The following NR5A1 variants were observed in gnomAD, a reference collection of about 807,000 sequenced individuals.
The protein encoded by NR5A1 is nuclear receptor subfamily 5 group A member 1.
NR5A1 carries 6 observed loss-of-function variants against 42.7 expected under a neutral mutation model. The ratio of observed to expected loss-of-function variants is 0.14; its 90% CI spans 0.08 to 0.28. NR5A1 has a LOEUF of 0.28. Among genes scored for constraint, NR5A1 ranks in the 10% least tolerant of loss-of-function variants. The pLI, the probability that NR5A1 is intolerant of heterozygous loss-of-function variation, is 1.00. For synonymous variants in NR5A1, 274 were observed against 277.5 expected, an observed-to-expected ratio of 0.99 and a Z score of 0.12; for missense variants, 442 against 626.4, an observed-to-expected ratio of 0.71 and a Z score of 3.14.
chr9:124,491,017 A>AACCCCCCC, intron 6 of NR5A1, 64 bp downstream of exon 6: 3 of 457,440 alleles, frequency 6.6e-6, no homozygotes, highest in Non-Finnish European at 1.3e-5. Context: ...CTCCAGCCTC[A>AACCCCCCC]CCCACCCTCC....
At chr9:124,494,952 G>A (rs934630299) in intron 4 of NR5A1, among the ~76,000 whole-genome samples, 3 of 152,192 alleles carry the variant, frequency 2.0e-5, no homozygotes, top group Non-Finnish European at 4.4e-5. Context: ...GAAGCACCCC[G>A]CTCTCTGTTC....
At chr9:124,499,773 G>T (rs767128378) in intron 4 of NR5A1, among the ~76,000 whole-genome samples, 7 of 152,220 alleles carry the variant, frequency 4.6e-5, no homozygotes, top group Non-Finnish European at 1.0e-4. Flanking sequence ...GGCTGAAGGG[G>T]TTGCAGAGAC....
rs79998733 is a variant in NR5A1, at chr9:124,495,290, C to G, written c.871-2141G>C. Among the ~76,000 whole-genome samples the G allele has an allele frequency of 6.9e-3, 1,048 of 152,326 alleles. 4 individuals are homozygous for G. The highest frequency in any genetic ancestry group is 0.011 in the Non-Finnish European group (742 of 68,022). ...CCGTATCTCTCCTTGGAAGTGCCAG[C>G]CCCCATGGAGCCGCGGTTTCCAGGA... On this transcript the variant is annotated intron_variant, in intron 4 of 6. Coordinates refer to ENST00000373588, the MANE Select transcript of NR5A1 (RefSeq NM_004959.5).
In NR5A1 at chr9:124,500,549, G is replaced by A. The variant is rs1488585129; in HGVS notation, c.411C>T (p.Asp137=). Reference sequence around the variant, plus strand: ...CATGCAGGCTGGGAGGCAGCACGTAGTCCGGTGCGGGAGGGGGCGGCGGGG... The same window carrying A: ...CATGCAGGCTGGGAGGCAGCACGTAATCCGGTGCGGGAGGGGGCGGCGGGG... ...GVPPPPPPAP[D]YVLPPSLHGP... is the part of the protein sequence containing the mutation. The change falls in exon 4 of 7, where the codon GAC becomes GAT. Residue 137 remains aspartate, a synonymous_variant. Transcript: ENST00000373588. This position sits in a 1 kb window ranked among gnomAD's most constrained non-coding sequence, Gnocchi z 6.9. 1.2e-6 allele frequency: 2 copies of A among 1,610,202 alleles called. No individual in the cohort carries two copies. The highest frequency in any genetic ancestry group is 1.7e-5 in the Admixed American group (1 of 59,976).
At chr9:124,494,240 C>G (rs1326598708) in intron 4 of NR5A1, among the ~76,000 whole-genome samples, 1 of 151,758 alleles carries the variant, frequency 6.6e-6, no homozygotes, top group Non-Finnish European at 1.5e-5. Context: ...TCCACTGCAG[C>G]CCTACAGCCC....
intron 3 of NR5A1, among the ~76,000 whole-genome samples, chr9:124,502,559 G>C (rs937425020): frequency 6.6e-6 from 1 of 152,172 alleles, no homozygotes; most frequent in Non-Finnish European, 1.5e-5. Context: ...AAACTTCTGG[G>C]CTCAAGTGAT....
chr9:124,486,677 G>A (rs1162454248), intron 6 of NR5A1, among the ~76,000 whole-genome samples: 10 of 152,178 alleles, frequency 6.6e-5, no homozygotes, highest in Non-Finnish European at 1.2e-4. Flanking sequence ...CCTTGTACAA[G>A]TCACTCCCCT....
Position 124,500,456 on chromosome 9 carries a change from TGCTGGG to T in NR5A1, c.498_503del (p.Pro167_Ala168del). On this transcript the variant is annotated inframe_deletion, in exon 4 of 7. Transcript: ENST00000373588. This position sits in a 1 kb window ranked among gnomAD's most constrained non-coding sequence, Gnocchi z 6.9. The stretch of plus-strand genomic sequence containing the variant: ...GGGCACCGGGCACGGCCATGGGCAG[TGCTGGG>T]GCCCCAAAGTCGCCCAGTGGCCCAG... The T allele has an allele frequency of 6.3e-7, 1 of 1,590,338 alleles. No individual in the cohort carries two copies. The highest frequency in any genetic ancestry group is 8.5e-7 in the Non-Finnish European group (1 of 1,170,284).
At chr9:124,492,528 C>T (rs531488237) in intron 5 of NR5A1, among the ~76,000 whole-genome samples, 7 of 152,164 alleles carry the variant, frequency 4.6e-5, no homozygotes, top group East Asian at 1.9e-4. Context: ...TTCATTCATT[C>T]GAGATTTAGG....
chr9:124,503,486 G>T lies in NR5A1; in HGVS notation c.-15-76C>A. 2 of 1,214,744 alleles carry T rather than the reference G, an allele frequency of 1.6e-6. No individual in the cohort carries two copies. Among genetic ancestry groups the T allele is most frequent in the Non-Finnish European group, 1.1e-6 (1 of 876,500 alleles). 75.2% of individuals were successfully genotyped at this position (1,214,744 alleles called of 1,614,324 possible). On this transcript the variant is annotated intron_variant, in intron 1 of 6. Transcript: ENST00000373588. The surrounding 1 kb of genome is among the most constrained non-coding windows in gnomAD (Gnocchi z 9.6). Reference sequence around the variant, plus strand: ...GGTCCCCGCGGCCGCCGCCCCAGCCGCTGTCGCCGGCCCGTCGCGTAATCC... The same window carrying T: ...GGTCCCCGCGGCCGCCGCCCCAGCCTCTGTCGCCGGCCCGTCGCGTAATCC...
intron 4 of NR5A1, among the ~76,000 whole-genome samples, chr9:124,499,167 AG>A (rs1160775301): frequency 1.3e-5 from 2 of 152,110 alleles, no homozygotes; most frequent in Non-Finnish European, 2.9e-5. Context: ...GGTCAGCTGG[AG>A]GGGCCTCTAG....
intron 3 of NR5A1, among the ~76,000 whole-genome samples, chr9:124,502,615 G>A (rs949447188): frequency 6.6e-6 from 1 of 152,194 alleles, no homozygotes; most frequent in South Asian, 2.1e-4. Flanking sequence ...GGCATGAGCC[G>A]CTCCATCCGG....
At chr9:124,502,398 T>C (rs1002119881) in intron 3 of NR5A1, among the ~76,000 whole-genome samples, 1 of 152,124 alleles carries the variant, frequency 6.6e-6, no homozygotes, top group Non-Finnish European at 1.5e-5. Context: ...GGTGTGATCA[T>C]AGCTCACTGC....
At chr9:124,485,437 C>G (rs918214830) in intron 6 of NR5A1, among the ~76,000 whole-genome samples, 1 of 152,174 alleles carries the variant, frequency 6.6e-6, no homozygotes, top group South Asian at 2.1e-4. Flanking sequence ...CCGCCCCCAG[C>G]GCGCCTGCTG....
At chr9:124,505,392 G>A (rs1316237316) in intron 1 of NR5A1, among the ~76,000 whole-genome samples, 1 of 152,198 alleles carries the variant, frequency 6.6e-6, no homozygotes, top group Non-Finnish European at 1.5e-5. Flanking sequence ...GTGGAAGCCA[G>A]ATTCTCCCAT....
At chr9:124,499,993 TG>T (rs1832440700) in intron 4 of NR5A1, 96 bp downstream of exon 4, 1 of 1,578,670 alleles carries the variant, frequency 6.3e-7, no homozygotes. Context: ...CTGAAGCCAG[TG>T]GGAAGGATGG....
rs142812007 is a variant in NR5A1, at chr9:124,489,700, G to A, written c.1138+1381C>T. On this transcript the variant is annotated intron_variant, in intron 6 of 6. Coordinates refer to ENST00000373588, the MANE Select transcript of NR5A1 (RefSeq NM_004959.5). ...CCGAGCCTGGGTCCCTGAGGCTCCTGTAAGGATTTCAGGCCACAGCTCCTA... is the reference window on the plus strand; with the variant it reads ...CCGAGCCTGGGTCCCTGAGGCTCCTATAAGGATTTCAGGCCACAGCTCCTA... Among the ~76,000 whole-genome samples, 192 of 152,082 alleles carry A rather than the reference G, an allele frequency of 1.3e-3. 1 individual carries two copies. The highest frequency in any genetic ancestry group is 4.4e-3 in the African/African-American group (182 of 41,474).
rs750148726 is a variant in NR5A1 at position 124,503,224 on chromosome 9, C to G, written c.103-4G>C. 1.9e-6 allele frequency: 3 copies of G among 1,597,526 alleles called. No homozygotes were observed. Among genetic ancestry groups the G allele is most frequent in the Non-Finnish European group, 2.6e-6 (3 of 1,172,390 alleles). ...GCACCGTGCGCTTGAAGAAGCCCTG[C>G]GGGAGCTGAGAGTCAGCGAGGCCCC... On this transcript the variant is annotated splice_polypyrimidine_tract_variant and splice_region_variant and intron_variant, in intron 2 of 6. Coordinates refer to ENST00000373588, the MANE Select transcript of NR5A1 (RefSeq NM_004959.5). The surrounding 1 kb of genome is among the most constrained non-coding windows in gnomAD (Gnocchi z 9.6).
Position 124,503,271 on chromosome 9 carries a change from C to G in NR5A1, c.102+23G>C. 1 of 1,607,068 alleles carries G rather than the reference C, an allele frequency of 6.2e-7. No homozygotes were observed. On this transcript the variant is annotated intron_variant, in intron 2 of 6. Transcript: ENST00000373588. This position sits in a 1 kb window ranked among gnomAD's most constrained non-coding sequence, Gnocchi z 9.6. ...CCCCGCAGCGCCCGTCTGCCGCACC[C>G]CTGCCGCGCGCTCGCCGCTCACCTT...
Sources: gnomAD v4.1 joint callset for allele counts (sites outside exome capture counted in the v4.1 genomes callset) on GRCh38, gnomAD v4.1.1 for gene constraint, Gnocchi (gnomAD v3.1) non-coding constraint, MANE v1.5 for transcripts, NCBI Gene and HGNC (gene_info 2026-07-23, HGNC 2026-07-21) for gene names.